Variants in MAGI2 observed in about 807,000 individuals in gnomAD.
MAGI2 encodes membrane associated guanylate kinase, WW and PDZ domain containing 2, also known as membrane-associated guanylate kinase, WW and PDZ domain-containing protein 2.
In MAGI2, 35 loss-of-function variants were observed where a neutral mutation model predicts 133.3. The ratio of observed to expected loss-of-function variants is 0.26; its 90% CI spans 0.20 to 0.35. MAGI2 has a LOEUF of 0.35. MAGI2 is among the 10% of genes least tolerant of loss of function. The probability of loss-of-function intolerance (pLI) is 1.00; values close to 1 mark genes in which losing one functional copy is unlikely to be tolerated. For missense variants in MAGI2, 1,636 were observed against 1,863.4 expected, an observed-to-expected ratio of 0.88 and a Z score of 2.25; for synonymous variants, 729 against 710.6, an observed-to-expected ratio of 1.03 and a Z score of -0.41.
chr7:78,777,089 G>A (rs548436082), intron 2 of MAGI2, among the ~76,000 whole-genome samples: 100 of 152,226 alleles, frequency 6.6e-4, no homozygotes, highest in Middle Eastern at 3.4e-3. Context: ...TGCTCTACTT[G>A]AAGATAGTTA....
In MAGI2 at chr7:79,269,016, G is replaced by C. The variant is rs537825311; in HGVS notation, c.301+184004C>G. On this transcript the variant is annotated intron_variant, in intron 1 of 21. Coordinates refer to ENST00000354212, the MANE Select transcript of MAGI2 (RefSeq NM_012301.4). Reference sequence around the variant, plus strand: ...TTCCCCACGTCATTCCCACAATCACGGGAAATGGTGGAGTTGATGAAAGAG... The same window carrying C: ...TTCCCCACGTCATTCCCACAATCACCGGAAATGGTGGAGTTGATGAAAGAG... Among the ~76,000 whole-genome samples the C allele has an allele frequency of 8.5e-5, 13 of 152,182 alleles. 1 individual carries two copies. In the South Asian group the frequency reaches 2.7e-3, roughly 32 times the overall value.
chr7:78,576,856 T>C (rs1288996439), intron 3 of MAGI2, among the ~76,000 whole-genome samples: 1 of 152,176 alleles, frequency 6.6e-6, no homozygotes, highest in Non-Finnish European at 1.5e-5. Flanking sequence ...CCTAGCACTT[T>C]GGGAGTCTGA....
chr7:79,071,317 G>A (rs1584855699), intron 1 of MAGI2, among the ~76,000 whole-genome samples: 1 of 152,160 alleles, frequency 6.6e-6, no homozygotes, highest in Non-Finnish European at 1.5e-5. Context: ...CCTTACTCTG[G>A]AAGCTTCGTC....
chr7:78,604,971 T>C (rs925335164), intron 3 of MAGI2, among the ~76,000 whole-genome samples: 1 of 152,200 alleles, frequency 6.6e-6, no homozygotes, highest in Non-Finnish European at 1.5e-5. Flanking sequence ...CTTCCAATAA[T>C]GGAAAACAAG....
intron 2 of MAGI2, among the ~76,000 whole-genome samples, chr7:78,985,443 AC>A (rs1562752202): frequency 6.6e-6 from 1 of 152,058 alleles, no homozygotes; most frequent in Non-Finnish European, 1.5e-5. Flanking sequence ...TATTTATAAT[AC>A]CCAGTTCCAG....
intron 1 of MAGI2, among the ~76,000 whole-genome samples, chr7:79,027,875 C>T (rs892713997): frequency 2.0e-5 from 3 of 151,728 alleles, no homozygotes; most frequent in African/African-American, 4.8e-5. Flanking sequence ...ATAAAAATAA[C>T]GGAGGCTACA....
chr7:78,568,373 C>T (rs1028090099), intron 3 of MAGI2: 1 of 152,214 alleles, frequency 6.6e-6, no homozygotes, highest in African/African-American at 2.4e-5. Context: ...GTGGACGTCT[C>T]ACAGTCATCT....
At chr7:79,137,668 G>C (rs922434056) in intron 1 of MAGI2, among the ~76,000 whole-genome samples, 1 of 151,802 alleles carries the variant, frequency 6.6e-6, no homozygotes, top group Non-Finnish European at 1.5e-5. Flanking sequence ...GGCCAGGCTG[G>C]TCTCGAACTC....
At chr7:78,935,925 A>G (rs1800474973) in intron 2 of MAGI2, among the ~76,000 whole-genome samples, 1 of 152,074 alleles carries the variant, frequency 6.6e-6, no homozygotes, top group Non-Finnish European at 1.5e-5. Context: ...ATCCAACTTA[A>G]AAGAGACACC....
At position 79,247,793 on chromosome 7, in the gene MAGI2, A is replaced by C. The variant is rs555150607; in HGVS notation, c.301+205227T>G. On this transcript the variant is annotated intron_variant, in intron 1 of 21. Coordinates refer to ENST00000354212, the MANE Select transcript of MAGI2 (RefSeq NM_012301.4). ...ATGCAATATGTGTTAGGTTGTCATCAGTTTAAAATAATGACTTATAAGATA... is the reference window on the plus strand; with the variant it reads ...ATGCAATATGTGTTAGGTTGTCATCCGTTTAAAATAATGACTTATAAGATA... Among the ~76,000 whole-genome samples the C allele has an allele frequency of 2.0e-5, 3 of 152,324 alleles. No individual in the cohort carries two copies. In the South Asian group the frequency reaches 6.2e-4, roughly 32 times the overall value.
At chr7:79,311,324 A>T (rs933461834) in intron 1 of MAGI2, among the ~76,000 whole-genome samples, 2 of 152,130 alleles carry the variant, frequency 1.3e-5, no homozygotes, top group African/African-American at 4.8e-5. Flanking sequence ...ACTAACACTA[A>T]TAATAGCTGA....
chr7:78,074,002 A>G (rs143534682), intron 21 of MAGI2, among the ~76,000 whole-genome samples: 9 of 152,246 alleles, frequency 5.9e-5, no homozygotes, highest in East Asian at 1.9e-4. Flanking sequence ...TGAAGTATCT[A>G]TCTCCTGAGC....
chr7:79,151,654 T>C (rs939982478), intron 1 of MAGI2, among the ~76,000 whole-genome samples: 1 of 152,178 alleles, frequency 6.6e-6, no homozygotes, highest in Non-Finnish European at 1.5e-5. Flanking sequence ...TCTGAAATTA[T>C]TCTGAAGGGA....
intron 21 of MAGI2, among the ~76,000 whole-genome samples, chr7:78,044,273 A>G (rs1342135897): frequency 6.6e-6 from 1 of 152,204 alleles, no homozygotes; most frequent in African/African-American, 2.4e-5. Flanking sequence ...GCTTTAACTA[A>G]TAGAGGCATG....
chr7:79,026,822 C>G lies in MAGI2; in HGVS notation c.302-19616G>C, dbSNP rs1043097658. Among the ~76,000 whole-genome samples the G allele has an allele frequency of 2.7e-5, 4 of 149,070 alleles. No homozygotes were observed. In the East Asian group the frequency reaches 7.9e-4, roughly 29 times the overall value. Reference sequence around the variant, plus strand: ...CCGAGAGGCGGAGGTTGCAGTAAGCCAAGATCGGCAATCCAGCCTGGGAGA... The same window carrying G: ...CCGAGAGGCGGAGGTTGCAGTAAGCGAAGATCGGCAATCCAGCCTGGGAGA... On this transcript the variant is annotated intron_variant, in intron 1 of 21. Coordinates refer to ENST00000354212, the MANE Select transcript of MAGI2 (RefSeq NM_012301.4).
intron 1 of MAGI2, among the ~76,000 whole-genome samples, chr7:79,097,809 T>G (rs1382782239): frequency 2.0e-5 from 3 of 152,176 alleles, no homozygotes; most frequent in African/African-American, 7.2e-5. Flanking sequence ...ATGACCACTT[T>G]CAGAAAAATT....
chr7:78,244,737 A>G (rs1008728538), intron 10 of MAGI2, among the ~76,000 whole-genome samples: 5 of 152,196 alleles, frequency 3.3e-5, no homozygotes, highest in Non-Finnish European at 5.9e-5. Context: ...TATTCCAGGA[A>G]TGAAAGGATA....
chr7:78,101,473 T>C (rs145072105), intron 20 of MAGI2, among the ~76,000 whole-genome samples: 6 of 152,290 alleles, frequency 3.9e-5, no homozygotes, highest in African/African-American at 1.2e-4. Flanking sequence ...CTTCAATAAG[T>C]GGAGTTAGGA....
intron 4 of MAGI2, among the ~76,000 whole-genome samples, chr7:78,506,012 G>A (rs550563101): frequency 6.6e-6 from 1 of 152,260 alleles, no homozygotes; most frequent in Admixed American, 6.5e-5. Flanking sequence ...TGTCCTGAGA[G>A]CAAAGATACT....
Sources: allele counts gnomAD v4.1 joint callset (sites outside exome capture counted in the v4.1 genomes callset), GRCh38; gene constraint gnomAD v4.1.1; transcripts MANE v1.5; gene names NCBI Gene and HGNC (gene_info 2026-07-23, HGNC 2026-07-21).